The following CIMIP6 variants were observed in gnomAD, a reference collection of about 807,000 sequenced individuals.
The protein encoded by CIMIP6 is ciliary microtubule inner protein 6.
At chr2:54,341,308 G>A in the CIMIP6 span, among the ~76,000 whole-genome samples, 1 of 152,302 alleles carries the variant, frequency 6.6e-6, no homozygotes, top group Admixed American at 6.5e-5. Flanking sequence ...AAAAGGGCAA[G>A]TTTTGTCCCC....
At chr2:54,336,129 A>G in the CIMIP6 span, among the ~76,000 whole-genome samples, 1 of 152,148 alleles carries the variant, frequency 6.6e-6, no homozygotes, top group Non-Finnish European at 1.5e-5. Flanking sequence ...CTACCCTTAC[A>G]CAGTAAATTA....
At chr2:54,331,063 G>GAAA in the CIMIP6 span, 1 of 1,560,376 alleles carries the variant, frequency 6.4e-7, no homozygotes, top group Non-Finnish European at 8.8e-7. Flanking sequence ...CCTTCAGGGG[G>GAAA]AGGCCGGGAT....
At chr2:54,366,076 C>A in the CIMIP6 span, among the ~76,000 whole-genome samples, 1 of 152,140 alleles carries the variant, frequency 6.6e-6, no homozygotes, top group Non-Finnish European at 1.5e-5. Flanking sequence ...CTCTGTCTTA[C>A]TAATAAAATC....
At chr2:54,353,515 G>A in the CIMIP6 span, among the ~76,000 whole-genome samples, 1,343 of 152,132 alleles carry the variant, frequency 8.8e-3, 24 homozygotes, top group African/African-American at 0.031. Context: ...GGTTTTCAAG[G>A]CTTCTGCAGA....
chr2:54,372,597 G>A, the CIMIP6 span, among the ~76,000 whole-genome samples: 1 of 152,180 alleles, frequency 6.6e-6, no homozygotes, highest in African/African-American at 2.4e-5. Flanking sequence ...CTCTGGGGCT[G>A]CTGTGCTGTG....
chr2:54,383,985 C>G, the CIMIP6 span, among the ~76,000 whole-genome samples: 1 of 152,158 alleles, frequency 6.6e-6, no homozygotes, highest in Non-Finnish European at 1.5e-5. Context: ...CCAGGTGCAA[C>G]CCCTCCATCT....
chr2:54,367,537 G>A, the CIMIP6 span, among the ~76,000 whole-genome samples: 1 of 152,016 alleles, frequency 6.6e-6, no homozygotes, highest in African/African-American at 2.4e-5. Context: ...TGGTAATTGG[G>A]TATTTGTATT....
chr2:54,366,386 GAAAT>G, the CIMIP6 span, among the ~76,000 whole-genome samples: 1 of 152,138 alleles, frequency 6.6e-6, no homozygotes, highest in African/African-American at 2.4e-5. Flanking sequence ...GTATGAGAAA[GAAAT>G]AAACTTCTAT....
the CIMIP6 span, among the ~76,000 whole-genome samples, chr2:54,379,368 G>A: frequency 1.3e-5 from 2 of 152,136 alleles, no homozygotes; most frequent in Admixed American, 6.5e-5. Flanking sequence ...CACTCTTCTA[G>A]TGTTTCATAA....
At chr2:54,343,688 C>T in the CIMIP6 span, 1 of 1,528,144 alleles carries the variant, frequency 6.5e-7, no homozygotes, top group African/African-American at 1.4e-5. Context: ...CTACAGTATC[C>T]AATATTGTGT....
the CIMIP6 span, among the ~76,000 whole-genome samples, chr2:54,346,005 G>A: frequency 6.6e-6 from 1 of 152,050 alleles, no homozygotes; most frequent in African/African-American, 2.4e-5. Context: ...CCTAGAAAAG[G>A]GAATTTATTT....
the CIMIP6 span, among the ~76,000 whole-genome samples, chr2:54,340,398 A>G: frequency 2.0e-5 from 3 of 152,356 alleles, no homozygotes; most frequent in Admixed American, 2.0e-4. Flanking sequence ...ACGAGGCTCC[A>G]TCCATGTCTT....
chr2:54,378,218 G>C, the CIMIP6 span, among the ~76,000 whole-genome samples: 3 of 152,216 alleles, frequency 2.0e-5, no homozygotes, highest in East Asian at 3.8e-4. Flanking sequence ...TTGCCATTGT[G>C]GGGCAGAAGG....
the CIMIP6 span, among the ~76,000 whole-genome samples, chr2:54,348,925 C>T: frequency 6.6e-6 from 1 of 152,322 alleles, no homozygotes; most frequent in South Asian, 2.1e-4. Context: ...CTGCCATCCA[C>T]AGTCAGTTAA....
chr2:54,352,133 A>G, the CIMIP6 span, among the ~76,000 whole-genome samples: 6,827 of 152,272 alleles, frequency 0.045, 210 homozygotes, highest in Middle Eastern at 0.13. Context: ...TTTTTTTGAC[A>G]TAATGTACTA....
chr2:54,372,966 C>T, the CIMIP6 span, among the ~76,000 whole-genome samples: 1 of 152,080 alleles, frequency 6.6e-6, no homozygotes, highest in African/African-American at 2.4e-5. Flanking sequence ...CAATGGGTCC[C>T]TCTGAGTCCT....
the CIMIP6 span, among the ~76,000 whole-genome samples, chr2:54,363,593 A>G: frequency 6.6e-6 from 1 of 152,002 alleles, no homozygotes. Flanking sequence ...TGTTTCCTTT[A>G]GTTTTGTTCT....
chr2:54,377,946 G>A, the CIMIP6 span, among the ~76,000 whole-genome samples: 1 of 152,168 alleles, frequency 6.6e-6, no homozygotes, highest in South Asian at 2.1e-4. Context: ...GAAGTATAAG[G>A]GTTGACATAC....
chr2:54,375,826 C>G, the CIMIP6 span, among the ~76,000 whole-genome samples: 2 of 151,906 alleles, frequency 1.3e-5, no homozygotes, highest in African/African-American at 4.8e-5. Flanking sequence ...AGTCACAAAG[C>G]TATTGATATA....
Sources: allele counts gnomAD v4.1 joint callset (sites outside exome capture counted in the v4.1 genomes callset), GRCh38; gene constraint gnomAD v4.1.1; transcripts MANE v1.5; gene names NCBI Gene and HGNC (gene_info 2026-07-23, HGNC 2026-07-21).